ZBTB20: variants seen among roughly 807,000 people sequenced by gnomAD.
ZBTB20 encodes zinc finger and BTB domain containing 20, also known as zinc finger and BTB domain-containing protein 20.
A neutral mutation model predicts 56.9 loss-of-function variants in ZBTB20; 9 were observed. The ratio of observed to expected loss-of-function variants is 0.16; its 90% CI spans 0.10 to 0.28. The LOEUF (loss-of-function observed/expected upper bound fraction) is 0.28. Among genes scored for constraint, ZBTB20 ranks in the 10% least tolerant of loss-of-function variants. The pLI is 1.00. For synonymous variants in ZBTB20, 417 were observed against 420.7 expected, an observed-to-expected ratio of 0.99 and a Z score of 0.11; for missense variants, 655 against 1,003.0, an observed-to-expected ratio of 0.65 and a Z score of 4.69.
intron 5 of ZBTB20, among the ~76,000 whole-genome samples, chr3:114,792,832 T>C (rs1008085665): frequency 6.6e-6 from 1 of 152,044 alleles, no homozygotes; most frequent in Admixed American, 6.6e-5. Flanking sequence ...GTGCTAGCAA[T>C]TCATAAGTAT....
intron 7 of ZBTB20, among the ~76,000 whole-genome samples, chr3:114,437,337 C>G (rs2722021): frequency 0.85 from 129,409 of 152,116 alleles, 56,023 homozygotes; most frequent in Non-Finnish European, 0.93. Context: ...GCTCAACAGG[C>G]GGTCAGCAAA....
At position 114,484,822 on chromosome 3, in the gene ZBTB20, C is replaced by T. The variant is rs978240029; in HGVS notation, c.-255+15530G>A. Among the ~76,000 whole-genome samples the T allele has an allele frequency of 2.6e-3, 193 of 74,430 alleles. 2 individuals carry two copies. Among genetic ancestry groups the T allele is most frequent in the African/African-American group, 6.8e-3 (183 of 27,022 alleles). 48.8% of individuals were successfully genotyped at this position (74,430 alleles called of 152,430 possible). A position where few individuals can be genotyped will look rare whatever the true frequency, so the allele number is the denominator to read the frequency against. On this transcript the variant is annotated intron_variant, in intron 7 of 11. Coordinates refer to ENST00000675478, the MANE Select transcript of ZBTB20 (RefSeq NM_001348800.3). ...GAGTGTGTGTGTGTGTGTGTGTGCG[C>T]GTGCATGTGTGTGTGTGCGTGAGTG...
chr3:115,122,561 T>A (rs532155300), intron 1 of ZBTB20, among the ~76,000 whole-genome samples: 3 of 152,256 alleles, frequency 2.0e-5, no homozygotes, highest in African/African-American at 7.2e-5. Flanking sequence ...TGGTTCTCCA[T>A]GGATTTTAAT....
rs59614776 is a variant in ZBTB20 at position 114,486,095 on chromosome 3, T to A, written c.-255+14257A>T. 4.4e-3 allele frequency among the ~76,000 whole-genome samples: 530 copies of A among 119,566 alleles called. 5 individuals are homozygous for A. Among genetic ancestry groups the A allele is most frequent in the African/African-American group, 0.016 (513 of 31,768 alleles). The allele number at this position is 119,566 out of a possible 152,430, so 78.4% of individuals were successfully genotyped here. A position where few individuals can be genotyped will look rare whatever the true frequency, so the allele number is the denominator to read the frequency against. The stretch of plus-strand genomic sequence containing the variant: ...TCTTTGTCGATTAAATAAAAAAAAA[T>A]TCCAAATAATGGTGGTCAGTAAGAG... On this transcript the variant is annotated intron_variant, in intron 7 of 11. Transcript: ENST00000675478.
intron 5 of ZBTB20, among the ~76,000 whole-genome samples, chr3:114,736,694 G>C (rs1451852566): frequency 2.0e-5 from 3 of 152,130 alleles, no homozygotes; most frequent in African/African-American, 4.8e-5. Flanking sequence ...CACACAGAGG[G>C]AGAACAGCTG....
At chr3:114,666,718 G>A (rs2061074261) in intron 6 of ZBTB20, among the ~76,000 whole-genome samples, 1 of 151,922 alleles carries the variant, frequency 6.6e-6, no homozygotes, top group Non-Finnish European at 1.5e-5. Context: ...AGAACCAGGA[G>A]GTACATTAAA....
rs149956541 is a variant in ZBTB20, at chr3:114,517,379, T to C, written c.-294-16988A>G. On this transcript the variant is annotated intron_variant, in intron 6 of 11. Coordinates refer to ENST00000675478, the MANE Select transcript of ZBTB20 (RefSeq NM_001348800.3). ...TTTCTGACACTGAGAGTCATAGGCA[T>C]TTATCCTCTAAATCACTGAACAAAG... is the stretch of plus-strand genomic sequence containing the variant. 3.0e-3 allele frequency among the ~76,000 whole-genome samples: 452 copies of C among 152,202 alleles called. 5 individuals are homozygous for C. Among genetic ancestry groups the C allele is most frequent in the African/African-American group, 0.01 (431 of 41,510 alleles).
rs901104650 is a variant in ZBTB20 at position 114,324,488 on chromosome 3, TCTC to T, written c.*14514_*14516del. ...ATCACTTTTTCCCTCACCTCATTAGTCTCCTATTCTTTTTTTTTTCTGACTACA... is the reference window on the plus strand; with the variant it reads ...ATCACTTTTTCCCTCACCTCATTAGTCTATTCTTTTTTTTTTCTGACTACA... On this transcript the variant is annotated 3_prime_UTR_variant, in exon 12 of 12. Coordinates refer to ENST00000675478, the MANE Select transcript of ZBTB20 (RefSeq NM_001348800.3). The T allele has an allele frequency of 4.0e-5, 6 of 151,842 alleles. No individual in the cohort carries two copies. The highest frequency in any genetic ancestry group is 1.2e-4 in the African/African-American group (5 of 41,358). 9.4% of individuals were successfully genotyped at this position (151,842 alleles called of 1,614,324 possible).
At chr3:114,649,976 T>C (rs577995243) in intron 6 of ZBTB20, among the ~76,000 whole-genome samples, 1 of 152,020 alleles carries the variant, frequency 6.6e-6, no homozygotes, top group East Asian at 1.9e-4. Flanking sequence ...GAGAAGCTAC[T>C]CCAGACTAGG....
chr3:115,114,888 T>G (rs1267946441), intron 1 of ZBTB20, among the ~76,000 whole-genome samples: 1 of 152,042 alleles, frequency 6.6e-6, no homozygotes, highest in Non-Finnish European at 1.5e-5. Flanking sequence ...ACAGAAAAGG[T>G]GAGTAAAATT....
intron 5 of ZBTB20, among the ~76,000 whole-genome samples, chr3:114,770,816 G>A (rs992750222): frequency 1.1e-4 from 16 of 151,926 alleles, no homozygotes; most frequent in South Asian, 8.3e-4. Flanking sequence ...GGCTTTTTTC[G>A]GATTTTGGAA....
At chr3:115,108,744 T>C (rs183591613) in intron 1 of ZBTB20, among the ~76,000 whole-genome samples, 22 of 152,198 alleles carry the variant, frequency 1.4e-4, no homozygotes, top group African/African-American at 5.1e-4. Flanking sequence ...TTCCTCGGAG[T>C]GACCAGTGGT....
chr3:114,393,730 A>T (rs974834860), intron 7 of ZBTB20, among the ~76,000 whole-genome samples: 2 of 152,194 alleles, frequency 1.3e-5, no homozygotes, highest in Admixed American at 6.5e-5. Flanking sequence ...GGGGCTGCTG[A>T]TGCCACAAAT....
chr3:114,661,348 C>T (rs973285736), intron 6 of ZBTB20, among the ~76,000 whole-genome samples: 1 of 152,072 alleles, frequency 6.6e-6, no homozygotes, highest in Non-Finnish European at 1.5e-5. Context: ...AAATAAAAAT[C>T]GAAAGATGTG....
At chr3:114,676,510 A>G (rs1297456091) in intron 6 of ZBTB20, among the ~76,000 whole-genome samples, 1 of 152,118 alleles carries the variant, frequency 6.6e-6, no homozygotes, top group East Asian at 1.9e-4. Context: ...ATTGTTTTTC[A>G]GAAAAATTGT....
At chr3:115,115,920 T>C (rs1276051716) in intron 1 of ZBTB20, among the ~76,000 whole-genome samples, 1 of 152,050 alleles carries the variant, frequency 6.6e-6, no homozygotes, top group Non-Finnish European at 1.5e-5. Context: ...TCATTTCAAA[T>C]AGACTTCTTG....
chr3:115,142,793 A>T (rs2107353740), intron 1 of ZBTB20, among the ~76,000 whole-genome samples: 1 of 152,266 alleles, frequency 6.6e-6, no homozygotes, highest in Non-Finnish European at 1.5e-5. Context: ...GCAATCACAA[A>T]CTGCTCTAAA....
At chr3:114,478,888 G>C (rs983353658) in intron 7 of ZBTB20, among the ~76,000 whole-genome samples, 10 of 152,124 alleles carry the variant, frequency 6.6e-5, no homozygotes, top group African/African-American at 2.4e-4. Context: ...ACATACTTTA[G>C]ACCAAGGCAG....
intron 3 of ZBTB20, among the ~76,000 whole-genome samples, chr3:114,956,446 T>C (rs893612227): frequency 6.6e-6 from 1 of 152,156 alleles, no homozygotes; most frequent in African/African-American, 2.4e-5. Context: ...AGGCCAATAA[T>C]AATCTTCAAC....
Sources: allele counts gnomAD v4.1 joint callset (sites outside exome capture counted in the v4.1 genomes callset), GRCh38; gene constraint gnomAD v4.1.1; transcripts MANE v1.5; gene names NCBI Gene and HGNC (gene_info 2026-07-23, HGNC 2026-07-21).